Variants in PPP2R1B observed in about 807,000 individuals in gnomAD.
The protein encoded by PPP2R1B is serine/threonine-protein phosphatase 2A 65 kDa regulatory subunit A beta isoform.
PPP2R1B carries 58 observed loss-of-function variants against 72.7 expected under a neutral mutation model. The ratio of observed to expected loss-of-function variants is 0.80; its 90% CI spans 0.65 to 0.99. The LOEUF is 0.99. Among genes scored for constraint, PPP2R1B ranks in the 50% least tolerant of loss-of-function variants. PPP2R1B has a pLI of 0.00. For missense variants in PPP2R1B, 695 were observed against 733.6 expected, an observed-to-expected ratio of 0.95 and a Z score of 0.61; for synonymous variants, 256 against 264.6, an observed-to-expected ratio of 0.97 and a Z score of 0.32.
chr11:111,743,336 T>G, intron 12 of PPP2R1B, 40 bp downstream of exon 12: 3 of 1,548,976 alleles, frequency 1.9e-6, no homozygotes, highest in Non-Finnish European at 2.6e-6. Context: ...AATTTTGCTT[T>G]AATGATTAAG....
intron 15 of PPP2R1B, chr11:111,729,534 A>G (rs1276156439): frequency 6.6e-6 from 1 of 152,244 alleles, no homozygotes; most frequent in East Asian, 1.9e-4. Flanking sequence ...CTGGTGATAG[A>G]AGGAGCTGGG....
the PPP2R1B span, chr11:111,712,208 C>T: frequency 6.2e-7 from 1 of 1,613,240 alleles, no homozygotes; most frequent in Non-Finnish European, 8.5e-7. Context: ...GCCATATTTA[C>T]AGGCACAGAC....
chr11:111,719,565 G>A, the PPP2R1B span, among the ~76,000 whole-genome samples: 3 of 152,174 alleles, frequency 2.0e-5, no homozygotes, highest in Non-Finnish European at 4.4e-5. Flanking sequence ...GCCAGTTTGG[G>A]TCATCATGGG....
Position 111,739,473 on chromosome 11 carries a change from AC to A in PPP2R1B, c.*2122del. ...GCTTAAGTCAGAAGGAAACAATGAA[AC>A]CCCTGAGGGGTCACCACAAAAGACA... On this transcript the variant is annotated 3_prime_UTR_variant, in exon 15 of 15. Coordinates refer to ENST00000527614, the MANE Select transcript of PPP2R1B (RefSeq NM_002716.5). The A allele has an allele frequency of 3.0e-6, 3 of 985,336 alleles. No homozygotes were observed. Among genetic ancestry groups the A allele is most frequent in the Non-Finnish European group, 2.4e-6 (2 of 829,916 alleles). 61.0% of individuals were successfully genotyped at this position (985,336 alleles called of 1,614,324 possible). A position where few individuals can be genotyped will look rare whatever the true frequency, so the allele number is the denominator to read the frequency against.
rs554686684 is a variant in PPP2R1B at position 111,759,993 on chromosome 11, C to T, written c.540-42G>A. On this transcript the variant is annotated intron_variant, in intron 4 of 14. Transcript: ENST00000527614. ...TGAAGGTATTTCCCATCAAATAACA[C>T]TGAATAAACCTGCCCCCCATACACA... 1.3e-5 allele frequency: 21 copies of T among 1,587,172 alleles called. No homozygotes were observed. The African/African-American group carries it at 2.7e-4, about 20-fold the overall frequency.
chr11:111,747,900 T>C, intron 11 of PPP2R1B, 54 bp downstream of exon 11: 1 of 1,509,530 alleles, frequency 6.6e-7, no homozygotes, highest in Non-Finnish European at 9.1e-7. Context: ...TAAAAGGAAA[T>C]GTATGAAAAT....
At chr11:111,691,965 C>G in the PPP2R1B span, among the ~76,000 whole-genome samples, 1 of 152,090 alleles carries the variant, frequency 6.6e-6, no homozygotes, top group African/African-American at 2.4e-5. Context: ...GAAAGACTAA[C>G]TCTGTCTGGA....
At chr11:111,704,908 C>T in the PPP2R1B span, 4 of 1,417,804 alleles carry the variant, frequency 2.8e-6, no homozygotes, top group Admixed American at 2.8e-5. Flanking sequence ...AATTTCTTTC[C>T]TCTTTTTTTT....
intron 5 of PPP2R1B, among the ~76,000 whole-genome samples, chr11:111,759,234 T>C (rs1555050536): frequency 2.6e-5 from 4 of 152,206 alleles, no homozygotes; most frequent in Non-Finnish European, 5.9e-5. Flanking sequence ...CATGGGGCTG[T>C]TGTAAGGACT....
chr11:111,739,260 A>C lies in PPP2R1B; in HGVS notation c.*2336T>G, dbSNP rs1944440422. ...GGCGATACAGTAGAAGATAAAACAG[A>C]CAAAAATACCAGCCTTACAGAGCTC... On this transcript the variant is annotated 3_prime_UTR_variant, in exon 15 of 15. Coordinates refer to ENST00000527614, the MANE Select transcript of PPP2R1B (RefSeq NM_002716.5). The C allele has an allele frequency of 1.0e-6, 1 of 972,034 alleles. No homozygotes were observed. Among genetic ancestry groups the C allele is most frequent in the East Asian group, 1.1e-4 (1 of 8,768 alleles). 60.2% of individuals were successfully genotyped at this position (972,034 alleles called of 1,614,324 possible). A position where few individuals can be genotyped will look rare whatever the true frequency, so the allele number is the denominator to read the frequency against.
intron 3 of PPP2R1B, among the ~76,000 whole-genome samples, chr11:111,762,935 G>A (rs529331728): frequency 6.6e-6 from 1 of 152,310 alleles, no homozygotes; most frequent in African/African-American, 2.4e-5. Context: ...TAGCATTGAG[G>A]ACACAGAAGA....
downstream of PPP2R1B, chr11:111,725,500 T>A (rs1943937296): frequency 6.6e-6 from 1 of 152,554 alleles, no homozygotes; most frequent in Non-Finnish European, 1.5e-5. Flanking sequence ...CTAGAAATGA[T>A]GAATAATTTG....
chr11:111,712,484 ACT>A, the PPP2R1B span: 1 of 1,164,168 alleles, frequency 8.6e-7, no homozygotes, highest in African/African-American at 1.5e-5. Flanking sequence ...TCGTTAAGTC[ACT>A]CAGGAGTGAT....
At chr11:111,720,396 C>T in the PPP2R1B span, 1 of 1,393,962 alleles carries the variant, frequency 7.2e-7, no homozygotes, top group Admixed American at 2.5e-5. Context: ...GCTGTCAAAA[C>T]TCAAGCTGGT....
At chr11:111,733,599 AC>A (rs1944257914), downstream of PPP2R1B, among the ~76,000 whole-genome samples, 1 of 151,890 alleles carries the variant, frequency 6.6e-6, no homozygotes, top group Non-Finnish European at 1.5e-5. Flanking sequence ...GTTCATTGTC[AC>A]CCCAGGGCCA....
At chr11:111,734,815 C>A (rs892716585), downstream of PPP2R1B, among the ~76,000 whole-genome samples, 2 of 152,212 alleles carry the variant, frequency 1.3e-5, no homozygotes, top group African/African-American at 4.8e-5. Flanking sequence ...CAGAGCTGCC[C>A]TTGAGACCCC....
chr11:111,758,118 G>A (rs1022331043), intron 5 of PPP2R1B, among the ~76,000 whole-genome samples: 6 of 152,112 alleles, frequency 3.9e-5, no homozygotes, highest in African/African-American at 9.7e-5. Context: ...GCTGGTACAC[G>A]TTATTTACAC....
At position 111,753,525 on chromosome 11, in the gene PPP2R1B, A is replaced by G; in HGVS notation, c.1082T>C (p.Ile361Thr). ...GCCCAAAATAGTAGACAATCCCATA[A>G]TTACAGAAGCTAGAGCCGATTTGAC... ...QHVKSALASV[I>T]MGLSTILGKE... The change falls in exon 9 of 15, where the codon ATT becomes ACT. Residue 361 changes from isoleucine to threonine, a missense_variant. Ile to Thr is a moderately conservative substitution (Grantham distance 89). Transcript: ENST00000527614. 3.7e-6 allele frequency: 6 copies of G among 1,613,122 alleles called. No homozygotes were observed. Among genetic ancestry groups the G allele is most frequent in the Non-Finnish European group, 4.2e-6 (5 of 1,179,202 alleles).
the PPP2R1B span, chr11:111,703,450 C>G: frequency 6.2e-7 from 1 of 1,600,678 alleles, no homozygotes; most frequent in Non-Finnish European, 8.5e-7. Context: ...TTTCGGGGTT[C>G]TACTGCACTT....
Sources: allele counts gnomAD v4.1 joint callset (sites outside exome capture counted in the v4.1 genomes callset), GRCh38; gene constraint gnomAD v4.1.1; transcripts MANE v1.5; gene names NCBI Gene and HGNC (gene_info 2026-07-23, HGNC 2026-07-21).